The following PLA2G4B variants were observed in gnomAD, a reference collection of about 807,000 sequenced individuals.
PLA2G4B encodes cytosolic phospholipase A2 beta.
PLA2G4B carries 122 observed loss-of-function variants against 95.8 expected under a neutral mutation model. The ratio of observed to expected loss-of-function variants is 1.27; its 90% confidence interval spans 1.10 to 1.48. The LOEUF (loss-of-function observed/expected upper bound fraction) is 1.48. Ranked by LOEUF, PLA2G4B falls within the 40% of genes most tolerant of loss-of-function variation. PLA2G4B has a pLI of 0.00. For synonymous variants in PLA2G4B, 518 were observed against 421.5 expected (o/e 1.23, Z -2.80); for missense variants, 1,158 against 996.2 (o/e 1.16, Z -2.19).
chr15:41,839,993 T>C, intron 1 of PLA2G4B, 165 bp from the exon 2 acceptor site: 1 of 767,614 alleles, frequency 1.3e-6, no homozygotes, highest in South Asian at 2.0e-5. Context: ...GGCGTCATGA[T>C]GGAGATATCA....
intron 9 of PLA2G4B, 44 bp downstream of exon 9, chr15:41,842,320 T>C: frequency 1.9e-6 from 3 of 1,610,822 alleles, no homozygotes; most frequent in South Asian, 1.1e-5. Context: ...TGGATGGGGC[T>C]GGGACCCAGG....
Position 41,845,790 on chromosome 15 carries a change from C to T in PLA2G4B, c.1495+15C>T, listed in dbSNP as rs1047315197. ...CTTCTTAGAAGGTGAGGGGCACTGG[C>T]AGGCTGGGGAAGCTGGGCCGAGCAG... is the stretch of plus-strand genomic sequence containing the variant. On this transcript the variant is annotated intron_variant, in intron 15 of 19. Transcript: ENST00000458483. 16 of 1,580,924 alleles carry T rather than the reference C, an allele frequency of 1.0e-5. No homozygotes were observed. Among genetic ancestry groups the T allele is most frequent in the Non-Finnish European group, 1.4e-5 (16 of 1,162,594 alleles).
chr15:41,839,113 G>C (rs1170348711), intron 1 of PLA2G4B, 191 bp downstream of exon 1: 2 of 481,430 alleles, frequency 4.2e-6, no homozygotes, highest in African/African-American at 2.0e-5. Flanking sequence ...CGTCCTGAGT[G>C]TTTTCTGTCC....
At chr15:41,846,982 C>T (rs1438096691) in intron 18 of PLA2G4B, 147 bp downstream of exon 18, 5 of 1,188,116 alleles carry the variant, frequency 4.2e-6, no homozygotes, top group African/African-American at 3.1e-5. Context: ...CAGAGGAGCT[C>T]ATTCTTTTCC....
intron 12 of PLA2G4B, 70 bp from the exon 13 acceptor site, chr15:41,844,778 C>CGAAAG: frequency 6.5e-7 from 1 of 1,539,488 alleles, no homozygotes; most frequent in Non-Finnish European, 8.8e-7. Flanking sequence ...CCTAGAAAGC[C>CGAAAG]CGGGGCACGT....
In PLA2G4B at chr15:41,847,654, C is replaced by T. The variant is rs759990773; in HGVS notation, c.2140C>T (p.Arg714Trp). ...SFREYSAPGVRRTPEEAAAGE... is the reference protein window; with the variant it reads ...SFREYSAPGVWRTPEEAAAGE... ...AGGCTGCACTCTCTCCACAGGGGTC[C>T]GGCGGACACCCGAGGAGGCGGCAGC... The change falls in exon 20 of 20, where the codon CGG becomes TGG. Residue 714 changes from arginine to tryptophan, a missense_variant. Coordinates refer to ENST00000458483, the MANE Select transcript of PLA2G4B (RefSeq NM_001114633.2). 17 of 1,613,500 alleles carry T rather than the reference C, an allele frequency of 1.1e-5. No homozygotes were observed. Among genetic ancestry groups the T allele is most frequent in the South Asian group, 8.8e-5 (8 of 91,084 alleles).
At position 41,843,035 on chromosome 15, in the gene PLA2G4B, C is replaced by G. The variant is rs952315808; in HGVS notation, c.743+444C>G. ...CTGTCTTGAGAGAGTGGCTTCTCAC[C>G]TCACAGACACAGGATTATTGGTCCT... On this transcript the variant is annotated intron_variant, in intron 10 of 19. Coordinates refer to ENST00000458483, the MANE Select transcript of PLA2G4B (RefSeq NM_001114633.2). 4 of 167,402 alleles carry G rather than the reference C, an allele frequency of 2.4e-5. No individual in the cohort carries two copies. The South Asian group carries it at 6.5e-4, about 27-fold the overall frequency. The allele number at this position is 167,402 out of a possible 1,614,324, so 10.4% of individuals were successfully genotyped here. A position where few individuals can be genotyped will look rare whatever the true frequency, so the allele number is the denominator to read the frequency against.
At chr15:41,840,693 A>G (rs371055384) in intron 3 of PLA2G4B, 33 bp downstream of exon 3, 19 of 1,606,884 alleles carry the variant, frequency 1.2e-5, no homozygotes, top group Middle Eastern at 1.7e-4. Context: ...CTCTACCCAC[A>G]TCCTCGCCAG....
In PLA2G4B at chr15:41,840,587, C is replaced by T. The variant is rs1270460846; in HGVS notation, c.146C>T (p.Thr49Ile). ...ACGGCCTGCAGCCACAGGCTCCAGA[C>T]ACGCACGGTCAAGAACAGCAGTAGC... ...LPTACSHRLQ[T>I]RTVKNSSSPV... Residue 49 changes from threonine (T) to isoleucine (I), a missense_variant, in exon 3 of 20, where the codon ACA (threonine) becomes ATA (isoleucine). By Grantham distance (89) the Thr-to-Ile change is moderately conservative. Transcript: ENST00000458483. 2 of 1,613,900 alleles carry T rather than the reference C, an allele frequency of 1.2e-6. No homozygotes were observed. Among genetic ancestry groups the T allele is most frequent in the African/African-American group, 1.3e-5 (1 of 74,924 alleles).
In PLA2G4B at chr15:41,846,763, G is replaced by A. The variant is rs745448544; in HGVS notation, c.1875G>A (p.Leu625=). The part of the protein sequence containing the change: ...DVGYLINTSC[L]PLLQPTRDVD... ...GCTACCTCATCAATACCAGCTGCCT[G>A]CCCCTCCTGCAGCCCACTCGGGACG... Residue 625 remains leucine, a synonymous_variant, in exon 18 of 20, where the codon CTG becomes CTA. Transcript: ENST00000458483. 4 of 1,613,986 alleles carry A rather than the reference G, an allele frequency of 2.5e-6. No homozygotes were observed. The highest frequency in any genetic ancestry group is 1.7e-4 in the Middle Eastern group (1 of 6,060).
rs201503973 is a variant in PLA2G4B, at chr15:41,843,859, A to G, written c.879+48A>G. The G allele has an allele frequency of 4.9e-5, 78 of 1,602,398 alleles. No homozygotes were observed. The Middle Eastern group carries it at 8.8e-4, about 18-fold the overall frequency. ...GGTGTCCCCGGGCTTGCTTGGGCCT[A>G]GCTCCTGGTGCTGAACACTGGAGCT... On this transcript the variant is annotated intron_variant, in intron 11 of 19. Transcript: ENST00000458483.
Position 41,844,664 on chromosome 15 carries a change from G to C in PLA2G4B, c.1016+57G>C, listed in dbSNP as rs540874766. 3 of 1,611,468 alleles carry C rather than the reference G, an allele frequency of 1.9e-6. No homozygotes were observed. The Admixed American group carries it at 5.0e-5, about 27-fold the overall frequency. ...GTGTGGCAGGGGGTGCTGGTGCCAG[G>C]GTTCTCCTAGGCCTCTGAGAAAACT... On this transcript the variant is annotated intron_variant, in intron 12 of 19. Coordinates refer to ENST00000458483, the MANE Select transcript of PLA2G4B (RefSeq NM_001114633.2).
At position 41,840,526 on chromosome 15, in the gene PLA2G4B, AC is replaced by A. The variant is rs780598228; in HGVS notation, c.90del (p.Ser31LeufsTer5). On this transcript the variant is annotated frameshift_variant, in exon 3 of 20. Transcript: ENST00000458483. LOFTEE classifies it high-confidence loss of function. ...TGGGCACTTGTTCCTTCCCGCAGTG[AC>A]CCCCTCTGACTGCTACGTGACTCTC... is the stretch of plus-strand genomic sequence containing the variant. ...AHRLPSKDLVTPSDCYVTLWL... is the reference protein window; with the variant it reads ...AHRLPSKDLVXPSDCYVTLWL... The A allele has an allele frequency of 3.1e-6, 5 of 1,613,018 alleles. No individual in the cohort carries two copies. In the African/African-American group the frequency reaches 4.0e-5, roughly 13 times the overall value.
chr15:41,844,149 G>T (rs972515917), intron 11 of PLA2G4B, among the ~76,000 whole-genome samples: 4 of 152,190 alleles, frequency 2.6e-5, no homozygotes. Context: ...CCGTCTCCTG[G>T]GGGAGTGATG....
rs1321388046 is a variant in PLA2G4B at position 41,841,904 on chromosome 15, C to T, written c.576C>T (p.Phe192=). 1 of 1,613,366 alleles carries T rather than the reference C, an allele frequency of 6.2e-7. No homozygotes were observed. The highest frequency in any genetic ancestry group is 2.2e-5 in the East Asian group (1 of 44,860). ...EASVGTGTFR[F]HCPACWEQEL... is the part of the protein sequence containing the mutation. ...CTGTGGGCACTGGCACCTTCCGCTT[C>T]CACTGCCCAGCCTGCTGGGAGCAGG... The change falls in exon 8 of 20, where the codon TTC becomes TTT. Residue 192 remains phenylalanine (F), a synonymous_variant. Coordinates refer to ENST00000458483, the MANE Select transcript of PLA2G4B (RefSeq NM_001114633.2).
chr15:41,840,719 T>A (rs537289693), intron 3 of PLA2G4B, 55 bp from the exon 4 acceptor site: 3 of 1,606,854 alleles, frequency 1.9e-6, no homozygotes, highest in African/African-American at 1.3e-5. Context: ...GCCGCTGCCC[T>A]GCTCACCTTT....
In PLA2G4B at chr15:41,840,837, G is replaced by A. The variant is rs775474136; in HGVS notation, c.283G>A (p.Val95Ile). 1.9e-6 allele frequency: 3 copies of A among 1,614,090 alleles called. No individual in the cohort carries two copies. Among genetic ancestry groups the A allele is most frequent in the Non-Finnish European group, 2.5e-6 (3 of 1,179,992 alleles). The change falls in exon 4 of 20, where the codon GTA (valine) becomes ATA (isoleucine). Residue 95 changes from valine to isoleucine, a missense_variant. By Grantham distance (29) the Val-to-Ile change is conservative. Transcript: ENST00000458483. ...LVTGDDPVLS[V>I]LFDAGTLRAG... ...GACCGGAGATGACCCTGTGTTGTCA[G>A]TACTGTTTGATGCGGGGACTCTGCG...
chr15:41,847,559 A>C, intron 19 of PLA2G4B, 36 bp downstream of exon 19: 1 of 1,604,134 alleles, frequency 6.2e-7, no homozygotes, highest in Non-Finnish European at 8.5e-7. Flanking sequence ...CTGCTGCCCC[A>C]GTCCCCCACA....
Position 41,841,148 on chromosome 15 carries a change from G to C in PLA2G4B, c.392+53G>C, listed in dbSNP as rs537608182. ...GTGGGAGTGCCTTGTGGGAAGGACA[G>C]CACTAGTGCCTGGGGGATGCCCAGG... On this transcript the variant is annotated intron_variant, in intron 5 of 19. Coordinates refer to ENST00000458483, the MANE Select transcript of PLA2G4B (RefSeq NM_001114633.2). 26 of 1,613,866 alleles carry C rather than the reference G, an allele frequency of 1.6e-5. No homozygotes were observed. The East Asian group carries it at 5.6e-4, about 35-fold the overall frequency.
Sources: allele counts gnomAD v4.1 joint callset (sites outside exome capture counted in the v4.1 genomes callset), GRCh38; gene constraint gnomAD v4.1.1; transcripts MANE v1.5; gene names NCBI Gene and HGNC (gene_info 2026-07-23, HGNC 2026-07-21).